The following ATP8A2 variants were observed in gnomAD, a reference collection of about 807,000 sequenced individuals.
ATP8A2 encodes ATPase phospholipid transporting 8A2.
ATP8A2 carries 100 observed loss-of-function variants against 165.6 expected under a neutral mutation model. That is an observed-to-expected ratio of 0.60 (90% CI 0.51 to 0.71). The LOEUF (loss-of-function observed/expected upper bound fraction) is 0.71, where lower values mean the gene tolerates loss of function less well. Among genes scored for constraint, ATP8A2 ranks in the 30% least tolerant of loss-of-function variants. The pLI is 0.00. For missense variants in ATP8A2, 1,227 were observed against 1,479.5 expected (o/e 0.83, Z 2.80); for synonymous variants, 543 against 548.8 (o/e 0.99, Z 0.15).
chr13:25,381,836 G>A (rs372665567), intron 1 of ATP8A2, among the ~76,000 whole-genome samples: 23 of 152,288 alleles, frequency 1.5e-4, no homozygotes, highest in African/African-American at 4.6e-4. Context: ...GCTCTTCTAC[G>A]CAGGATGATA....
chr13:25,644,937 T>C (rs2041632503), intron 24 of ATP8A2, among the ~76,000 whole-genome samples: 1 of 152,190 alleles, frequency 6.6e-6, no homozygotes, highest in African/African-American at 2.4e-5. Flanking sequence ...TTTTGAGTCG[T>C]ATTTTGGGTT....
rs145376745 is a variant in ATP8A2 at position 25,554,511 on chromosome 13, A to ATG, written c.1186-464_1186-463dup. 5.4e-3 allele frequency among the ~76,000 whole-genome samples: 761 copies of ATG among 141,286 alleles called. 6 individuals are homozygous for ATG. Among genetic ancestry groups the ATG allele is most frequent in the East Asian group, 0.02 (97 of 4,870 alleles). 92.7% of individuals were successfully genotyped at this position (141,286 alleles called of 152,430 possible). A position where few individuals can be genotyped will look rare whatever the true frequency, so the allele number is the denominator to read the frequency against. ...AATCATATCTATATAAATATAAATC[A>ATG]TGTGTGTGTGTGTGTGTATGTGTGT... On this transcript the variant is annotated intron_variant, in intron 12 of 36. Coordinates refer to ENST00000381655, the MANE Select transcript of ATP8A2 (RefSeq NM_016529.6).
intron 25 of ATP8A2, among the ~76,000 whole-genome samples, chr13:25,757,519 G>GTGTGTGTGTT (rs1224724144): frequency 4.1e-4 from 62 of 152,092 alleles, no homozygotes; most frequent in African/African-American, 1.4e-3. Context: ...GTGTGTGTGT[G>GTGTGTGTGTT]TGTGTGCACA....
intron 7 of ATP8A2, among the ~76,000 whole-genome samples, chr13:25,539,637 A>G (rs2038406670): frequency 6.6e-6 from 1 of 152,208 alleles, no homozygotes. Context: ...TAGCCCATAA[A>G]GGTAGTGCTA....
intron 24 of ATP8A2, among the ~76,000 whole-genome samples, chr13:25,649,315 G>T (rs1175228855): frequency 1.3e-5 from 2 of 152,166 alleles, no homozygotes; most frequent in Admixed American, 6.5e-5. Context: ...TCACAATCAG[G>T]CTGAGCTGCT....
chr13:25,863,022 A>G (rs1416320839), intron 33 of ATP8A2, among the ~76,000 whole-genome samples: 2 of 152,130 alleles, frequency 1.3e-5, no homozygotes, highest in African/African-American at 4.8e-5. Flanking sequence ...GTATCCTAGA[A>G]TCCCACAGTA....
intron 27 of ATP8A2, among the ~76,000 whole-genome samples, chr13:25,821,902 A>C (rs537035660): frequency 6.6e-6 from 1 of 152,178 alleles, no homozygotes; most frequent in Non-Finnish European, 1.5e-5. Context: ...TGCTAGAAAC[A>C]GCTATATAAA....
chr13:25,972,100 G>T (rs973784245), intron 35 of ATP8A2, among the ~76,000 whole-genome samples: 1 of 152,304 alleles, frequency 6.6e-6, no homozygotes, highest in Non-Finnish European at 1.5e-5. Context: ...AAATCTGTAT[G>T]CATTAATCTT....
At chr13:25,952,345 A>G (rs1466189846) in intron 33 of ATP8A2, among the ~76,000 whole-genome samples, 1 of 151,638 alleles carries the variant, frequency 6.6e-6, no homozygotes, top group Non-Finnish European at 1.5e-5. Context: ...GCGTGGGCTC[A>G]CTAAGCACTT....
intron 35 of ATP8A2, among the ~76,000 whole-genome samples, chr13:25,999,645 A>G (rs1421692061): frequency 1.3e-5 from 2 of 152,154 alleles, no homozygotes; most frequent in South Asian, 2.1e-4. Context: ...AGGTCACCTT[A>G]AAGACTGTGA....
intron 30 of ATP8A2, among the ~76,000 whole-genome samples, chr13:25,850,109 G>T (rs1392751519): frequency 6.6e-6 from 1 of 152,196 alleles, no homozygotes; most frequent in Admixed American, 6.5e-5. Context: ...ACCTGATCCT[G>T]AATTTGCAAA....
chr13:25,402,423 T>C (rs1005459107), intron 1 of ATP8A2, among the ~76,000 whole-genome samples: 2 of 152,176 alleles, frequency 1.3e-5, no homozygotes, highest in South Asian at 2.1e-4. Flanking sequence ...TATGAGTATC[T>C]TTCTGCATGG....
At position 25,583,933 on chromosome 13, in the gene ATP8A2, G is replaced by A. The variant is rs114376066; in HGVS notation, c.2146+1976G>A. On this transcript the variant is annotated intron_variant, in intron 23 of 36. Transcript: ENST00000381655. ...TTCTTAGCAAGTACTCTCCAAGACC[G>A]CTAGAAGATGATGCTTTATAAGCTG... 9.7e-3 allele frequency among the ~76,000 whole-genome samples: 1,472 copies of A among 152,262 alleles called. 23 individuals are homozygous for A. The highest frequency in any genetic ancestry group is 0.034 in the African/African-American group (1,407 of 41,550).
At chr13:25,856,938 T>A (rs1039109806) in intron 30 of ATP8A2, among the ~76,000 whole-genome samples, 11 of 152,252 alleles carry the variant, frequency 7.2e-5, no homozygotes, top group African/African-American at 2.7e-4. Flanking sequence ...CATTTATTAT[T>A]ATCCTATTTA....
intron 25 of ATP8A2, among the ~76,000 whole-genome samples, chr13:25,726,900 G>A (rs990451930): frequency 1.3e-5 from 2 of 152,118 alleles, no homozygotes; most frequent in Non-Finnish European, 2.9e-5. Context: ...CAGGAATGCT[G>A]GGAGGAAGGC....
chr13:25,989,180 T>C (rs996431991), intron 35 of ATP8A2, among the ~76,000 whole-genome samples: 1 of 152,248 alleles, frequency 6.6e-6, no homozygotes, highest in Non-Finnish European at 1.5e-5. Context: ...TTTGTTTGGA[T>C]GCTTATTTGA....
intron 25 of ATP8A2, among the ~76,000 whole-genome samples, chr13:25,701,306 G>A (rs2042946407): frequency 6.6e-6 from 1 of 152,070 alleles, no homozygotes. Flanking sequence ...TTTAGATTAG[G>A]GCTATGCAAA....
chr13:25,577,136 G>T lies in ATP8A2; in HGVS notation c.1780G>T (p.Ala594Ser), dbSNP rs1176925734. Residue 594 changes from alanine (A) to serine (S), a missense_variant and splice_region_variant, in exon 20 of 37, where the codon GCT (alanine) becomes TCT (serine). Physicochemically the swap from Ala to Ser is moderately conservative, Grantham distance 99 (BLOSUM62 1). This residue lies in a region of ATP8A2 where 592 missense variants were observed against 785.6 expected (regional missense o/e 0.75). Transcript: ENST00000381655. ...SGRLRLYCKG[A>S]DNVIFERLSK... ...ACGACTTCGGCTTTACTGTAAAGGG[G>T]CTGTAAGTACCGGAGAAGCGTTGTG... is the stretch of plus-strand genomic sequence containing the variant. The T allele has an allele frequency of 1.9e-6, 3 of 1,613,684 alleles. No individual in the cohort carries two copies. Among genetic ancestry groups the T allele is most frequent in the Non-Finnish European group, 2.5e-6 (3 of 1,179,606 alleles).
intron 1 of ATP8A2, among the ~76,000 whole-genome samples, chr13:25,452,105 A>G (rs375526456): frequency 6.6e-6 from 1 of 152,202 alleles, no homozygotes; most frequent in African/African-American, 2.4e-5. Flanking sequence ...CGCCCACCTC[A>G]GCCTCCCAAA....
Sources: allele counts gnomAD v4.1 joint callset (sites outside exome capture counted in the v4.1 genomes callset), GRCh38; gene constraint gnomAD v4.1.1; regional missense constraint gnomAD v4.1.1; transcripts MANE v1.5; gene names NCBI Gene and HGNC (gene_info 2026-07-23, HGNC 2026-07-21).